Variants in PPFIA2 observed in about 807,000 individuals in gnomAD.
The protein encoded by PPFIA2 is liprin-alpha-2.
In PPFIA2, 46 loss-of-function variants were observed where a neutral mutation model predicts 175.5. That is an observed-to-expected ratio of 0.26 (90% CI 0.21 to 0.34). The LOEUF is 0.34. PPFIA2 is among the 10% of genes least tolerant of loss of function. The pLI is 1.00. For synonymous variants in PPFIA2, 568 were observed against 511.4 expected (o/e 1.11, Z -1.49); for missense variants, 1,179 against 1,506.1 (o/e 0.78, Z 3.60).
chr12:81,437,708 G>T (rs902255301), intron 7 of PPFIA2, among the ~76,000 whole-genome samples: 2 of 152,066 alleles, frequency 1.3e-5, no homozygotes, highest in Non-Finnish European at 2.9e-5. Flanking sequence ...CATCCAAAAT[G>T]AATGTAATTT....
At position 81,259,310 on chromosome 12, in the gene PPFIA2, TC is replaced by T. The variant is rs1310586421; in HGVS notation, c.*383del. 1.4e-5 allele frequency: 6 copies of T among 422,438 alleles called. No homozygotes were observed. The highest frequency in any genetic ancestry group is 2.6e-5 in the Non-Finnish European group (6 of 227,372). 26.2% of individuals were successfully genotyped at this position (422,438 alleles called of 1,614,324 possible). A position where few individuals can be genotyped will look rare whatever the true frequency, so the allele number is the denominator to read the frequency against. On this transcript the variant is annotated 3_prime_UTR_variant, in exon 33 of 33. Transcript: ENST00000549396. ...TATTTTTTAAAAAATCATATTTATA[TC>T]CATTTACATAAGACTTACACATTTA...
intron 4 of PPFIA2, among the ~76,000 whole-genome samples, chr12:81,633,002 C>T (rs950841892): frequency 1.3e-5 from 2 of 152,022 alleles, no homozygotes; most frequent in East Asian, 1.9e-4. Flanking sequence ...TGATTACTGT[C>T]GTTGAATCAC....
chr12:81,343,134 C>A (rs967413116), intron 19 of PPFIA2, among the ~76,000 whole-genome samples: 1 of 152,016 alleles, frequency 6.6e-6, no homozygotes, highest in Admixed American at 6.6e-5. Flanking sequence ...AGTGATACAA[C>A]ACTTTTCTTA....
chr12:81,271,702 C>A (rs2039165582), intron 28 of PPFIA2, among the ~76,000 whole-genome samples: 1 of 152,118 alleles, frequency 6.6e-6, no homozygotes, highest in African/African-American at 2.4e-5. Context: ...CAAAGACTTT[C>A]AAATAATTTA....
At chr12:81,366,795 T>C (rs924023001) in intron 14 of PPFIA2, among the ~76,000 whole-genome samples, 1 of 151,798 alleles carries the variant, frequency 6.6e-6, no homozygotes, top group Non-Finnish European at 1.5e-5. Flanking sequence ...ATATAAGGCA[T>C]AAAGCAAGGC....
chr12:81,649,677 G>A lies in PPFIA2; in HGVS notation c.303+27114C>T, dbSNP rs2066712380. ...CAAATGGCAACTGGATAAACAAACTGCGGTATATGTATATAACAGAAAACT... is the reference window on the plus strand; with the variant it reads ...CAAATGGCAACTGGATAAACAAACTACGGTATATGTATATAACAGAAAACT... On this transcript the variant is annotated intron_variant, in intron 4 of 32. Transcript: ENST00000549396. Among the ~76,000 whole-genome samples the A allele has an allele frequency of 2.0e-5, 3 of 152,138 alleles. No homozygotes were observed. In the South Asian group the frequency reaches 6.2e-4, roughly 32 times the overall value.
At chr12:81,496,458 C>T (rs532523503) in intron 4 of PPFIA2, among the ~76,000 whole-genome samples, 152 of 152,216 alleles carry the variant, frequency 1.0e-3, no homozygotes, top group African/African-American at 3.6e-3. Context: ...AGAAAGTCCT[C>T]ATGAGACTTT....
At chr12:81,381,836 C>T (rs1229642472) in intron 9 of PPFIA2, among the ~76,000 whole-genome samples, 5 of 151,852 alleles carry the variant, frequency 3.3e-5, no homozygotes, top group South Asian at 4.2e-4. Flanking sequence ...CAGGCATTGT[C>T]GTAGTACATA....
At chr12:81,457,955 G>A (rs911328093) in intron 4 of PPFIA2, 89 bp from the exon 5 acceptor site, 14 of 832,686 alleles carry the variant, frequency 1.7e-5, no homozygotes, top group Non-Finnish European at 2.4e-5. Flanking sequence ...TGAAAAGAAT[G>A]GGGAAAAATG....
intron 3 of PPFIA2, among the ~76,000 whole-genome samples, chr12:81,689,888 T>C (rs1393316264): frequency 6.6e-6 from 1 of 152,128 alleles, no homozygotes; most frequent in Non-Finnish European, 1.5e-5. Flanking sequence ...TCCTTGGGGT[T>C]AGTGCAGTGG....
intron 3 of PPFIA2, among the ~76,000 whole-genome samples, chr12:81,744,774 G>C (rs141115373): frequency 6.6e-6 from 1 of 152,182 alleles, no homozygotes; most frequent in African/African-American, 2.4e-5. Context: ...GGTTTCCAGA[G>C]GACTTTAATA....
chr12:81,518,114 CAT>C (rs1290598716), intron 4 of PPFIA2, among the ~76,000 whole-genome samples: 1 of 152,056 alleles, frequency 6.6e-6, no homozygotes, highest in Non-Finnish European at 1.5e-5. Context: ...AAAAACAAAA[CAT>C]ACACACAAAA....
chr12:81,263,193 C>G (rs1162787133), intron 31 of PPFIA2, 38 bp downstream of exon 31: 8 of 1,535,702 alleles, frequency 5.2e-6, no homozygotes, highest in Non-Finnish European at 7.1e-6. Flanking sequence ...GCTAAACAAG[C>G]TTTTTGCTTG....
chr12:81,631,878 C>A (rs1242028340), intron 4 of PPFIA2, among the ~76,000 whole-genome samples: 1 of 152,054 alleles, frequency 6.6e-6, no homozygotes, highest in East Asian at 1.9e-4. Flanking sequence ...GACATAATGC[C>A]TTTAGTGACT....
intron 4 of PPFIA2, among the ~76,000 whole-genome samples, chr12:81,630,817 T>C (rs921136012): frequency 1.8e-4 from 27 of 151,722 alleles, no homozygotes; most frequent in African/African-American, 9.7e-5. Flanking sequence ...CGTAATGCTT[T>C]CTTTAAAAAG....
intron 4 of PPFIA2, among the ~76,000 whole-genome samples, chr12:81,615,325 T>C (rs1254697088): frequency 6.6e-6 from 1 of 152,140 alleles, no homozygotes; most frequent in Non-Finnish European, 1.5e-5. Context: ...GAGGTTTCTA[T>C]TAGTCATCTA....
At chr12:81,323,337 T>C (rs563623130) in intron 22 of PPFIA2, among the ~76,000 whole-genome samples, 15 of 152,234 alleles carry the variant, frequency 9.9e-5, no homozygotes, top group Non-Finnish European at 2.1e-4. Context: ...GCCAGTCCAA[T>C]GGATAGAATT....
intron 30 of PPFIA2, among the ~76,000 whole-genome samples, chr12:81,263,958 T>C (rs911617795): frequency 6.6e-6 from 1 of 152,190 alleles, no homozygotes; most frequent in Non-Finnish European, 1.5e-5. Context: ...CAGAATTAAC[T>C]TGCAATTTGT....
intron 7 of PPFIA2, among the ~76,000 whole-genome samples, chr12:81,426,010 C>G (rs1295552941): frequency 1.3e-5 from 2 of 152,050 alleles, no homozygotes; most frequent in African/African-American, 2.4e-5. Flanking sequence ...TTGTCATACC[C>G]AATAAAAGTG....
Sources: gnomAD v4.1 joint callset for allele counts (sites outside exome capture counted in the v4.1 genomes callset) on GRCh38, gnomAD v4.1.1 for gene constraint, MANE v1.5 for transcripts, NCBI Gene and HGNC (gene_info 2026-07-23, HGNC 2026-07-21) for gene names.